Variants in ZPBP2 observed in about 807,000 individuals in gnomAD.
The protein encoded by ZPBP2 is zona pellucida-binding protein 2.
Under a neutral mutation model 37.5 loss-of-function variants are expected in ZPBP2, and 34 were observed. That is an observed-to-expected ratio of 0.91 (90% CI 0.69 to 1.21). The LOEUF (loss-of-function observed/expected upper bound fraction) is 1.21, where lower values mean the gene tolerates loss of function less well. Ranked by LOEUF, ZPBP2 falls within the 50% of genes most tolerant of loss-of-function variation. The pLI is 0.00. For missense variants in ZPBP2, 397 were observed against 413.5 expected (o/e 0.96, Z 0.35); for synonymous variants, 143 against 138.4 (o/e 1.03, Z -0.23).
At chr17:39,874,563 C>G (rs1284502582) in intron 6 of ZPBP2, among the ~76,000 whole-genome samples, 1 of 152,010 alleles carries the variant, frequency 6.6e-6, no homozygotes, top group Non-Finnish European at 1.5e-5. Flanking sequence ...TCCCGAGTAG[C>G]TGGGATTACA....
rs2063394095 is a variant in ZPBP2, at chr17:39,877,106, A to G, written c.*297A>G. The G allele has an allele frequency of 4.8e-6, 1 of 206,924 alleles. No homozygotes were observed. The highest frequency in any genetic ancestry group is 2.3e-5 in the African/African-American group (1 of 43,744). 12.8% of individuals were successfully genotyped at this position (206,924 alleles called of 1,614,324 possible). On this transcript the variant is annotated 3_prime_UTR_variant, in exon 8 of 8. Coordinates refer to ENST00000348931, the MANE Select transcript of ZPBP2 (RefSeq NM_199321.3). ...CTAAGAGTATAGTAAGGTCAAGAAG[A>G]GTATCAAAGTATAATAAAATAAAAA... is the stretch of plus-strand genomic sequence containing the variant.
chr17:39,874,834 T>G (rs1196068001), intron 6 of ZPBP2, among the ~76,000 whole-genome samples: 1 of 152,226 alleles, frequency 6.6e-6, no homozygotes, highest in African/African-American at 2.4e-5. Flanking sequence ...CACTGCAACC[T>G]CCGCCTCCGA....
chr17:39,869,643 G>A (rs1243980785), intron 2 of ZPBP2, among the ~76,000 whole-genome samples: 2 of 149,906 alleles, frequency 1.3e-5, no homozygotes, highest in Admixed American at 1.3e-4. Flanking sequence ...GACCTCAGGT[G>A]ATCCGCACGT....
At chr17:39,872,141 C>T (rs1039448020) in intron 4 of ZPBP2, 129 bp from the exon 5 acceptor site, 12 of 633,340 alleles carry the variant, frequency 1.9e-5, no homozygotes, top group Admixed American at 7.1e-5. Flanking sequence ...ACTGATAAAA[C>T]GTTATGTTTC....
chr17:39,871,723 C>T, intron 4 of ZPBP2, 98 bp downstream of exon 4: 1 of 994,316 alleles, frequency 1.0e-6, no homozygotes, highest in Non-Finnish European at 1.4e-6. Flanking sequence ...TAATAGGTGA[C>T]TGTCACCAAT....
chr17:39,869,565 T>C (rs1009980784), intron 2 of ZPBP2, among the ~76,000 whole-genome samples: 2 of 143,184 alleles, frequency 1.4e-5, no homozygotes, highest in Non-Finnish European at 3.0e-5. Context: ...CCACCACGCC[T>C]GGCTAATTTC....
intron 7 of ZPBP2, among the ~76,000 whole-genome samples, chr17:39,875,897 T>C (rs2063388273): frequency 1.8e-5 from 2 of 109,730 alleles, no homozygotes; most frequent in Admixed American, 9.2e-5. Context: ...TTTTTTTTTT[T>C]TTTTTTTTTT....
rs774409476 is a variant in ZPBP2 at position 39,868,324 on chromosome 17, C to T, written c.-31C>T. The T allele has an allele frequency of 5.5e-5, 88 of 1,603,616 alleles. No homozygotes were observed. Among genetic ancestry groups the T allele is most frequent in the Non-Finnish European group, 7.1e-5 (84 of 1,179,082 alleles). On this transcript the variant is annotated 5_prime_UTR_variant, in exon 1 of 8. Coordinates refer to ENST00000348931, the MANE Select transcript of ZPBP2 (RefSeq NM_199321.3). ...CTGAGGTAGGAGGGAGTCTGTCCCT[C>T]GACGCCTCCTGCGACGCCAGCCCCT...
At chr17:39,870,894 A>G in intron 3 of ZPBP2, 75 bp downstream of exon 3, 2 of 1,240,588 alleles carry the variant, frequency 1.6e-6, no homozygotes, top group South Asian at 4.9e-5. Flanking sequence ...CTTATTGGAA[A>G]GAACAAATTG....
rs151294197 is a variant in ZPBP2 at position 39,871,561 on chromosome 17, G to C, written c.342G>C (p.Lys114Asn). 7.5e-5 allele frequency: 120 copies of C among 1,605,900 alleles called. No homozygotes were observed. Among genetic ancestry groups the C allele is most frequent in the Non-Finnish European group, 9.8e-5 (115 of 1,176,744 alleles). The change falls in exon 4 of 8, where the codon AAG becomes AAC. Residue 114 changes from lysine (K) to asparagine (N), a missense_variant. Lys to Asn is a moderately conservative substitution (Grantham distance 94). Coordinates refer to ENST00000348931, the MANE Select transcript of ZPBP2 (RefSeq NM_199321.3). ...SGLYTCTLSY[K>N]TVKAETQEEK... ...TTTACACATGTACTCTTTCTTATAA[G>C]ACTGTTAAAGCAGAAACTCAAGAAG...
chr17:39,873,138 A>C lies in ZPBP2; in HGVS notation c.708+12A>C. On this transcript the variant is annotated intron_variant, in intron 6 of 7. Coordinates refer to ENST00000348931, the MANE Select transcript of ZPBP2 (RefSeq NM_199321.3). The stretch of plus-strand genomic sequence containing the variant: ...ATAATATCCTCCAGGTGAGAATTTC[A>C]TGGTAAGGAAGAAGTATTTGTCTTT... 2 of 1,602,436 alleles carry C rather than the reference A, an allele frequency of 1.2e-6. No individual in the cohort carries two copies. Among genetic ancestry groups the C allele is most frequent in the Non-Finnish European group, 1.7e-6 (2 of 1,175,646 alleles).
intron 4 of ZPBP2, 100 bp downstream of exon 4, chr17:39,871,725 G>A: frequency 2.1e-6 from 2 of 968,222 alleles, no homozygotes; most frequent in Non-Finnish European, 2.9e-6. Flanking sequence ...ATAGGTGACT[G>A]TCACCAATTA....
chr17:39,870,804 G>T lies in ZPBP2; in HGVS notation c.229G>T (p.Glu77Ter). 1 of 1,540,230 alleles carries T rather than the reference G, an allele frequency of 6.5e-7. No individual in the cohort carries two copies. Among genetic ancestry groups the T allele is most frequent in the South Asian group, 1.3e-5 (1 of 76,856 alleles). The change falls in exon 3 of 8, where the codon GAA becomes TAA. Residue 77 changes from glutamate (E) to a stop codon, truncating the protein, a stop_gained. Coordinates refer to ENST00000348931, the MANE Select transcript of ZPBP2 (RefSeq NM_199321.3). LOFTEE classifies it high-confidence loss of function. ...DPTYLWIGPN[E>*]KTLTGNNRIN... ...CACCTACTTATGGATTGGGCCTAAT[G>T]AAAAGACGTTAACAGGTAAATTTGA... is the stretch of plus-strand genomic sequence containing the variant.
At position 39,868,303 on chromosome 17, in the gene ZPBP2, G is replaced by C; in HGVS notation, c.-52G>C. 1 of 1,593,862 alleles carries C rather than the reference G, an allele frequency of 6.3e-7. No individual in the cohort carries two copies. Among genetic ancestry groups the C allele is most frequent in the African/African-American group, 1.3e-5 (1 of 74,972 alleles). On this transcript the variant is annotated 5_prime_UTR_variant, in exon 1 of 8. Coordinates refer to ENST00000348931, the MANE Select transcript of ZPBP2 (RefSeq NM_199321.3). ...TGGGGAGGTGTTGGGCCAGGGCTGAGGTAGGAGGGAGTCTGTCCCTCGACG... is the reference window on the plus strand; with the variant it reads ...TGGGGAGGTGTTGGGCCAGGGCTGACGTAGGAGGGAGTCTGTCCCTCGACG...
In ZPBP2 at chr17:39,872,253, T is replaced by C. The variant is rs1284861185; in HGVS notation, c.407-17T>C. On this transcript the variant is annotated splice_polypyrimidine_tract_variant and intron_variant, in intron 4 of 7. Coordinates refer to ENST00000348931, the MANE Select transcript of ZPBP2 (RefSeq NM_199321.3). ...GGTACGATTGTTTTCACTCTCATCT[T>C]TCTTTTTTTTTTAAAGCCTATCGGG... The C allele has an allele frequency of 3.2e-6, 5 of 1,563,122 alleles. No individual in the cohort carries two copies. Among genetic ancestry groups the C allele is most frequent in the African/African-American group, 2.8e-5 (2 of 72,222 alleles).
chr17:39,876,766 C>G lies in ZPBP2; in HGVS notation c.974C>G (p.Ser325Cys), dbSNP rs548838743. The stretch of plus-strand genomic sequence containing the variant: ...TCCGTCCTTACCTATGGAGCTAAAT[C>G]TTGCCCACAAACTTCAAACAAAAAT... Reference protein sequence around the residue: ...CVSVLTYGAKSCPQTSNKNQQ... With the variant: ...CVSVLTYGAKCCPQTSNKNQQ... The change falls in exon 8 of 8, where the codon TCT becomes TGT. Residue 325 changes from serine to cysteine, a missense_variant. Physicochemically the swap from Ser to Cys is moderately radical, Grantham distance 112. Transcript: ENST00000348931. 33 of 1,613,776 alleles carry G rather than the reference C, an allele frequency of 2.0e-5. No individual in the cohort carries two copies. The highest frequency in any genetic ancestry group is 2.6e-5 in the Non-Finnish European group (31 of 1,179,914).
intron 1 of ZPBP2, 30 bp from the exon 2 acceptor site, chr17:39,868,519 C>T: frequency 6.2e-7 from 1 of 1,614,156 alleles, no homozygotes; most frequent in Non-Finnish European, 8.5e-7. Flanking sequence ...CCTCTTCTAA[C>T]TAAAAGTCAG....
In ZPBP2 at chr17:39,868,317, T is replaced by C. The variant is rs200711070; in HGVS notation, c.-38T>C. 6.4e-5 allele frequency: 103 copies of C among 1,601,264 alleles called. No individual in the cohort carries two copies. The highest frequency in any genetic ancestry group is 8.3e-5 in the Non-Finnish European group (98 of 1,177,998). On this transcript the variant is annotated 5_prime_UTR_variant, in exon 1 of 8. Coordinates refer to ENST00000348931, the MANE Select transcript of ZPBP2 (RefSeq NM_199321.3). ...GCCAGGGCTGAGGTAGGAGGGAGTC[T>C]GTCCCTCGACGCCTCCTGCGACGCC...
At chr17:39,870,085 C>T (rs745463000) in intron 2 of ZPBP2, among the ~76,000 whole-genome samples, 15 of 151,990 alleles carry the variant, frequency 9.9e-5, no homozygotes, top group Non-Finnish European at 2.2e-4. Context: ...GCTCTGTTGC[C>T]CAGGTGGGAG....
Sources: allele counts gnomAD v4.1 joint callset (sites outside exome capture counted in the v4.1 genomes callset), GRCh38; gene constraint gnomAD v4.1.1; transcripts MANE v1.5; gene names NCBI Gene and HGNC (gene_info 2026-07-23, HGNC 2026-07-21).